KCNJ6: variants seen among roughly 807,000 people sequenced by gnomAD.
KCNJ6 encodes G protein-activated inward rectifier potassium channel 2.
In KCNJ6, 9 loss-of-function variants were observed where a neutral mutation model predicts 34.2. The ratio of observed to expected loss-of-function variants is 0.26; its 90% CI spans 0.16 to 0.46. The LOEUF (loss-of-function observed/expected upper bound fraction) is 0.46. Ranked by LOEUF, KCNJ6 falls within the 20% of genes least tolerant of loss-of-function variation. The pLI, the probability that KCNJ6 is intolerant of heterozygous loss-of-function variation, is 1.00. For synonymous variants in KCNJ6, 196 were observed against 207.1 expected (o/e 0.95, Z 0.46); for missense variants, 236 against 531.3 (o/e 0.44, Z 5.46).
intron 1 of KCNJ6, among the ~76,000 whole-genome samples, chr21:37,867,553 CATTTGTTTACGT>C (rs2055629150): frequency 6.6e-6 from 1 of 152,062 alleles, no homozygotes. Context: ...TTTATATAAA[CATTTGTTTACGT>C]ATTTGTACTT....
At chr21:37,684,601 G>A (rs189629853) in intron 3 of KCNJ6, among the ~76,000 whole-genome samples, 2 of 152,364 alleles carry the variant, frequency 1.3e-5, no homozygotes, top group Admixed American at 1.3e-4. Flanking sequence ...CTAGCCTAAG[G>A]TTAGGAATAT....
intron 3 of KCNJ6, among the ~76,000 whole-genome samples, chr21:37,685,707 A>AAAG (rs1270564408): frequency 6.1e-4 from 17 of 27,920 alleles, no homozygotes; most frequent in Non-Finnish European, 1.6e-3. Context: ...AAAAAAAAAA[A>AAAG]ATCTATCCTA....
At chr21:37,664,223 C>A (rs536010698) in intron 3 of KCNJ6, among the ~76,000 whole-genome samples, 2 of 151,822 alleles carry the variant, frequency 1.3e-5, no homozygotes, top group Non-Finnish European at 2.9e-5. Flanking sequence ...GGAAAATGAA[C>A]CCTAAATTAC....
At chr21:37,813,046 T>C (rs2055330423) in intron 2 of KCNJ6, among the ~76,000 whole-genome samples, 4 of 152,130 alleles carry the variant, frequency 2.6e-5, no homozygotes, top group Admixed American at 2.6e-4. Flanking sequence ...TTATTAGAAT[T>C]GATAAACAAA....
intron 3 of KCNJ6, among the ~76,000 whole-genome samples, chr21:37,667,052 C>G (rs544318804): frequency 6.7e-6 from 1 of 150,036 alleles, no homozygotes; most frequent in East Asian, 2.0e-4. Flanking sequence ...AAACCGGAGA[C>G]CTTTGTTCAC....
intron 1 of KCNJ6, among the ~76,000 whole-genome samples, chr21:37,877,359 G>T (rs190343125): frequency 6.6e-6 from 1 of 152,208 alleles, no homozygotes; most frequent in South Asian, 2.1e-4. Flanking sequence ...AAAACTGACC[G>T]CATGAGAACA....
intron 3 of KCNJ6, among the ~76,000 whole-genome samples, chr21:37,645,697 G>A (rs775223878): frequency 6.6e-6 from 1 of 152,174 alleles, no homozygotes; most frequent in East Asian, 1.9e-4. Flanking sequence ...ACCCTGGAAC[G>A]GGTGAGCACC....
At chr21:37,758,269 A>G (rs915905569) in intron 2 of KCNJ6, among the ~76,000 whole-genome samples, 1 of 152,176 alleles carries the variant, frequency 6.6e-6, no homozygotes, top group Non-Finnish European at 1.5e-5. Context: ...TAACTTTATT[A>G]TCTTTAGACT....
At chr21:37,800,136 C>T (rs188857573) in intron 2 of KCNJ6, among the ~76,000 whole-genome samples, 92 of 152,242 alleles carry the variant, frequency 6.0e-4, no homozygotes, top group African/African-American at 2.1e-3. Flanking sequence ...TTATCAAGAG[C>T]AAAAGGAAGA....
intron 1 of KCNJ6, among the ~76,000 whole-genome samples, chr21:37,905,556 A>G (rs941859633): frequency 2.0e-5 from 3 of 152,178 alleles, no homozygotes; most frequent in African/African-American, 7.2e-5. Context: ...ACTAAGCACC[A>G]AAACGCTACT....
rs867487988 is a variant in KCNJ6 at position 37,705,097 on chromosome 21, G to C, written c.946+9114C>G. 2.6e-5 allele frequency among the ~76,000 whole-genome samples: 4 copies of C among 152,284 alleles called. No homozygotes were observed. The Middle Eastern group carries it at 0.014, about 518-fold the overall frequency. ...CCTGCCTCCTGCAGTCAGGAAAGGG[G>C]AGCCCAGTGGAGAAGCCATGGCCTG... On this transcript the variant is annotated intron_variant, in intron 3 of 3. Transcript: ENST00000609713.
At chr21:37,859,487 T>TATATATATATATATATATATA in intron 1 of KCNJ6, among the ~76,000 whole-genome samples, 1 of 84,298 alleles carries the variant, frequency 1.2e-5, no homozygotes, top group Non-Finnish European at 2.3e-5. Flanking sequence ...TTATATTACT[T>TATATATATATATATATATATA]TATATATATA....
At chr21:37,651,320 G>A (rs2123387828) in intron 3 of KCNJ6, among the ~76,000 whole-genome samples, 1 of 152,320 alleles carries the variant, frequency 6.6e-6, no homozygotes, top group Non-Finnish European at 1.5e-5. Flanking sequence ...AGGCCTGTCG[G>A]CCACATCAAT....
Position 37,714,170 on chromosome 21 carries a change from G to T in KCNJ6, c.946+41C>A. ...GAACATCAGGTCCAGTTTAAAATGA[G>T]CATCTATCCCACAGCCATCCCAGGA... On this transcript the variant is annotated intron_variant, in intron 3 of 3. Transcript: ENST00000609713. The surrounding 1 kb of genome is among the most constrained non-coding windows in gnomAD (Gnocchi z 5.9). 7.2e-7 allele frequency: 1 copy of T among 1,379,646 alleles called. No homozygotes were observed. 85.5% of individuals were successfully genotyped at this position (1,379,646 alleles called of 1,614,324 possible).
At chr21:37,796,275 T>A (rs2055241518) in intron 2 of KCNJ6, among the ~76,000 whole-genome samples, 1 of 152,158 alleles carries the variant, frequency 6.6e-6, no homozygotes, top group African/African-American at 2.4e-5. Context: ...TGCCTGTTCT[T>A]AGGAGCTTGG....
intron 3 of KCNJ6, among the ~76,000 whole-genome samples, chr21:37,687,627 C>T (rs964090504): frequency 1.5e-4 from 23 of 152,130 alleles, no homozygotes; most frequent in Admixed American, 5.9e-4. Flanking sequence ...CCTCTTGTTG[C>T]TCTCAATGTG....
intron 2 of KCNJ6, among the ~76,000 whole-genome samples, chr21:37,832,249 A>C (rs1461122900): frequency 1.3e-5 from 2 of 151,728 alleles, no homozygotes; most frequent in Non-Finnish European, 2.9e-5. Context: ...TTAGTATTTA[A>C]AGTGCCTAAA....
chr21:37,906,415 G>A (rs933484951), intron 1 of KCNJ6, among the ~76,000 whole-genome samples: 4 of 152,178 alleles, frequency 2.6e-5, no homozygotes, highest in Admixed American at 1.3e-4. Context: ...ATTGTGTCTG[G>A]GTTCCTCCTT....
chr21:37,865,848 CT>C (rs1377525143), intron 1 of KCNJ6, among the ~76,000 whole-genome samples: 1 of 152,188 alleles, frequency 6.6e-6, no homozygotes, highest in African/African-American at 2.4e-5. Flanking sequence ...CCAAATGGTC[CT>C]AACAGACATT....
Sources: gnomAD v4.1 joint callset for allele counts (sites outside exome capture counted in the v4.1 genomes callset) on GRCh38, gnomAD v4.1.1 for gene constraint, Gnocchi (gnomAD v3.1) non-coding constraint, MANE v1.5 for transcripts, NCBI Gene and HGNC (gene_info 2026-07-23, HGNC 2026-07-21) for gene names.